NIBAN1: variants seen among roughly 807,000 people sequenced by gnomAD.
NIBAN1 encodes the protein niban apoptosis regulator 1, also known as protein Niban 1.
A neutral mutation model predicts 75.1 loss-of-function variants in NIBAN1; 81 were observed. The ratio of observed to expected loss-of-function variants is 1.08; its 90% CI spans 0.90 to 1.30. The LOEUF (loss-of-function observed/expected upper bound fraction) is 1.30. Among genes scored for constraint, NIBAN1 ranks in the 50% most tolerant of loss-of-function variants. The pLI, the probability that NIBAN1 is intolerant of heterozygous loss-of-function variation, is 0.00. For synonymous variants in NIBAN1, 436 were observed against 424.8 expected (o/e 1.03, Z -0.32); for missense variants, 1,133 against 1,128.1 (o/e 1.00, Z -0.06).
intron 9 of NIBAN1, among the ~76,000 whole-genome samples, chr1:184,809,603 G>GTA (rs1557872431): frequency 6.6e-6 from 1 of 150,412 alleles, no homozygotes; most frequent in Non-Finnish European, 1.5e-5. Flanking sequence ...GGGTATATGT[G>GTA]TGTGTATATA....
chr1:184,791,900 G>A lies in NIBAN1; in HGVS notation c.*3077C>T, dbSNP rs1378559570. 1 of 151,970 alleles carries A rather than the reference G, an allele frequency of 6.6e-6. No individual in the cohort carries two copies. The highest frequency in any genetic ancestry group is 1.9e-4 in the East Asian group (1 of 5,186). 9.4% of individuals were successfully genotyped at this position (151,970 alleles called of 1,614,324 possible). On this transcript the variant is annotated 3_prime_UTR_variant, in exon 14 of 14. Transcript: ENST00000367511. ...AAAATGAAGACAGAGTATTTTAAAT[G>A]CACTCTAGTTTCCTGTTCCATCTTC...
chr1:184,940,816 G>A lies in NIBAN1; in HGVS notation c.55+33486C>T, dbSNP rs901174137. 1.5e-4 allele frequency among the ~76,000 whole-genome samples: 23 copies of A among 152,322 alleles called. No individual in the cohort carries two copies. In the East Asian group the frequency reaches 4.4e-3, roughly 29 times the overall value. On this transcript the variant is annotated intron_variant, in intron 1 of 13. Coordinates refer to ENST00000367511, the MANE Select transcript of NIBAN1 (RefSeq NM_052966.4). ...AAATAGATAACCGCTGCAAAAATAT[G>A]AGGAGGATCATTCCATTTCTTAGTG... is the stretch of plus-strand genomic sequence containing the variant.
intron 12 of NIBAN1, among the ~76,000 whole-genome samples, chr1:184,800,810 G>A (rs1220499927): frequency 2.6e-5 from 4 of 152,180 alleles, no homozygotes; most frequent in Non-Finnish European, 5.9e-5. Flanking sequence ...AAGTTGTTGG[G>A]TCATAGGGTA....
intron 5 of NIBAN1, among the ~76,000 whole-genome samples, chr1:184,869,966 A>G (rs1214003947): frequency 6.6e-6 from 1 of 152,250 alleles, no homozygotes; most frequent in Non-Finnish European, 1.5e-5. Context: ...TTGCTGAAGC[A>G]AAATACCTTA....
intron 13 of NIBAN1, among the ~76,000 whole-genome samples, chr1:184,797,533 C>A (rs1256178586): frequency 1.3e-5 from 2 of 152,018 alleles, no homozygotes; most frequent in African/African-American, 2.4e-5. Flanking sequence ...CGGAGTCCCA[C>A]CGAGACTTGC....
intron 1 of NIBAN1, among the ~76,000 whole-genome samples, chr1:184,942,788 G>C (rs1571592694): frequency 6.6e-6 from 1 of 151,960 alleles, no homozygotes; most frequent in East Asian, 1.9e-4. Flanking sequence ...TGAGGCAATG[G>C]CTGGTAGGAG....
chr1:184,892,582 T>C (rs1656696636), intron 3 of NIBAN1, among the ~76,000 whole-genome samples: 1 of 152,020 alleles, frequency 6.6e-6, no homozygotes, highest in African/African-American at 2.4e-5. Flanking sequence ...TTAATAAATG[T>C]TGAAAAGAGT....
chr1:184,837,122 A>T (rs1655163919), intron 5 of NIBAN1, among the ~76,000 whole-genome samples: 2 of 152,232 alleles, frequency 1.3e-5, no homozygotes, highest in African/African-American at 4.8e-5. Flanking sequence ...AAACCAGATT[A>T]GCAGTTATTT....
intron 10 of NIBAN1, among the ~76,000 whole-genome samples, chr1:184,806,693 T>C (rs1314181998): frequency 6.6e-6 from 1 of 150,472 alleles, no homozygotes; most frequent in African/African-American, 2.4e-5. Context: ...ATCCTGCCCA[T>C]AACCTTTATG....
chr1:184,794,823 T>G lies in NIBAN1; in HGVS notation c.*154A>C. On this transcript the variant is annotated 3_prime_UTR_variant, in exon 14 of 14. Coordinates refer to ENST00000367511, the MANE Select transcript of NIBAN1 (RefSeq NM_052966.4). ...TCATGTCCACAAAGGTTTGCCTCAG[T>G]TGCTCATGCCCTGTATGCATTTCCT... 1.1e-6 allele frequency: 1 copy of G among 951,484 alleles called. No homozygotes were observed. The highest frequency in any genetic ancestry group is 1.6e-6 in the Non-Finnish European group (1 of 619,950). 58.9% of individuals were successfully genotyped at this position (951,484 alleles called of 1,614,324 possible).
At chr1:184,864,811 C>T (rs1655907714) in intron 5 of NIBAN1, among the ~76,000 whole-genome samples, 2 of 150,988 alleles carry the variant, frequency 1.3e-5, no homozygotes, top group African/African-American at 4.9e-5. Flanking sequence ...AGAAGACATA[C>T]AAACGGCCAA....
chr1:184,805,362 G>C (rs1043045005), intron 11 of NIBAN1, among the ~76,000 whole-genome samples: 8 of 152,172 alleles, frequency 5.3e-5, no homozygotes, highest in African/African-American at 1.7e-4. Context: ...CTGTACAATG[G>C]GGGAATATTC....
intron 8 of NIBAN1, chr1:184,821,287 A>C (rs1334842191): frequency 6.6e-6 from 1 of 152,214 alleles, no homozygotes; most frequent in Non-Finnish European, 1.5e-5. Flanking sequence ...ATCACCATTT[A>C]ATACTCCCCA....
At chr1:184,836,090 T>G (rs1369348525) in intron 5 of NIBAN1, among the ~76,000 whole-genome samples, 2 of 152,242 alleles carry the variant, frequency 1.3e-5, no homozygotes, top group Non-Finnish European at 2.9e-5. Context: ...ATGTTTAATC[T>G]TAGAGGTTTG....
chr1:184,809,491 C>CT (rs951470079), intron 9 of NIBAN1, among the ~76,000 whole-genome samples: 26 of 151,620 alleles, frequency 1.7e-4, no homozygotes, highest in African/African-American at 5.8e-4. Context: ...AATTTAAATC[C>CT]TTTTTTTTGA....
At chr1:184,864,200 C>T (rs988501497) in intron 5 of NIBAN1, among the ~76,000 whole-genome samples, 1 of 152,158 alleles carries the variant, frequency 6.6e-6, no homozygotes, top group South Asian at 2.1e-4. Context: ...TTCCTACGGA[C>T]AATAATGCTG....
chr1:184,935,704 C>T (rs1357238221), intron 1 of NIBAN1, among the ~76,000 whole-genome samples: 1 of 151,172 alleles, frequency 6.6e-6, no homozygotes, highest in Non-Finnish European at 1.5e-5. Context: ...GTTCTGAGTA[C>T]AACATAGGTA....
chr1:184,963,116 T>G lies in NIBAN1; in HGVS notation c.55+11186A>C, dbSNP rs112008461. ...TTCCATGTAATAGAAAAATAAAAATTTTTTAAAGACATTTCACTGTGACCA... is the reference window on the plus strand; with the variant it reads ...TTCCATGTAATAGAAAAATAAAAATGTTTTAAAGACATTTCACTGTGACCA... On this transcript the variant is annotated intron_variant, in intron 1 of 13. Transcript: ENST00000367511. 8.6e-3 allele frequency among the ~76,000 whole-genome samples: 1,306 copies of G among 152,140 alleles called. 15 individuals carry two copies. The highest frequency in any genetic ancestry group is 0.019 in the South Asian group (90 of 4,818).
chr1:184,816,058 A>G (rs1654522839), intron 9 of NIBAN1, among the ~76,000 whole-genome samples: 1 of 152,150 alleles, frequency 6.6e-6, no homozygotes, highest in South Asian at 2.1e-4. Context: ...AATACATCAT[A>G]TGTAGATTAT....
Sources: allele counts gnomAD v4.1 joint callset (sites outside exome capture counted in the v4.1 genomes callset), GRCh38; gene constraint gnomAD v4.1.1; transcripts MANE v1.5; gene names NCBI Gene and HGNC (gene_info 2026-07-23, HGNC 2026-07-21).